RIMS3: variants seen among roughly 807,000 people sequenced by gnomAD.
The protein encoded by RIMS3 is regulating synaptic membrane exocytosis protein 3.
RIMS3 carries 15 observed loss-of-function variants against 29.2 expected under a neutral mutation model. The observed-to-expected ratio is 0.51, with a 90% CI of 0.34 to 0.79. The LOEUF is 0.79. Ranked by LOEUF, RIMS3 falls within the 30% of genes least tolerant of loss-of-function variation. RIMS3 has a pLI of 0.01. For synonymous variants in RIMS3, 161 were observed against 170.1 expected, an observed-to-expected ratio of 0.95 and a Z score of 0.41; for missense variants, 342 against 421.4, an observed-to-expected ratio of 0.81 and a Z score of 1.65.
upstream of RIMS3, among the ~76,000 whole-genome samples, chr1:40,670,574 T>TTATATATATATATATATATATATA (rs553412097): frequency 6.8e-3 from 482 of 71,054 alleles, 21 homozygotes; most frequent in South Asian, 0.01. Flanking sequence ...AGTTATAATT[T>TTATATATATATATATATATATATA]TATATATATA....
At chr1:40,684,476 CA>C in the RIMS3 span, among the ~76,000 whole-genome samples, 4 of 152,156 alleles carry the variant, frequency 2.6e-5, no homozygotes, top group African/African-American at 9.7e-5. Context: ...CCCATCTCTT[CA>C]AAAACTGTGA....
At chr1:40,682,739 A>ATTTTTTTTTTTTTTTTTTTTTTTTTT in the RIMS3 span, among the ~76,000 whole-genome samples, 3 of 46,484 alleles carry the variant, frequency 6.5e-5, no homozygotes, top group Non-Finnish European at 1.3e-4. Context: ...CCCTTTGCAG[A>ATTTTTTTTTTTTTTTTTTTTTTTTTT]TCTTTTTTTT....
upstream of RIMS3, chr1:40,669,314 T>C (rs983690398): frequency 1.3e-5 from 2 of 152,192 alleles, no homozygotes; most frequent in African/African-American, 4.8e-5. Context: ...AAGTGACTTG[T>C]CTTTCTAAGT....
At chr1:40,632,418 TTATATATATATATATATATA>T (rs56394507) in intron 5 of RIMS3, among the ~76,000 whole-genome samples, 3,886 of 88,012 alleles carry the variant, frequency 0.044, 240 homozygotes, top group African/African-American at 0.14. Flanking sequence ...ACATATAAAT[TTATATATATATATATATATA>T]TATATATATA....
At chr1:40,664,091 T>C (rs1642390308) in intron 1 of RIMS3, among the ~76,000 whole-genome samples, 1 of 152,060 alleles carries the variant, frequency 6.6e-6, no homozygotes, top group Admixed American at 6.5e-5. Flanking sequence ...GTCGGATAAG[T>C]GTAGAACCCC....
chr1:40,623,476 C>T lies in RIMS3; in HGVS notation c.*3041G>A, dbSNP rs1046677577. 2 of 398,574 alleles carry T rather than the reference C, an allele frequency of 5.0e-6. No individual in the cohort carries two copies. Among genetic ancestry groups the T allele is most frequent in the Non-Finnish European group, 8.8e-6 (2 of 226,110 alleles). The allele number at this position is 398,574 out of a possible 1,614,324, so 24.7% of individuals were successfully genotyped here. On this transcript the variant is annotated 3_prime_UTR_variant, in exon 8 of 8. Coordinates refer to ENST00000372684, the MANE Select transcript of RIMS3 (RefSeq NM_014747.3). Reference sequence around the variant, plus strand: ...ACCCAACATCACTGCAGGGCCACTCCTGTCTCTGCCATATGCACAGTGAAC... The same window carrying T: ...ACCCAACATCACTGCAGGGCCACTCTTGTCTCTGCCATATGCACAGTGAAC...
chr1:40,633,085 C>T lies in RIMS3; in HGVS notation c.456G>A (p.Leu152=). 1 of 1,614,080 alleles carries T rather than the reference C, an allele frequency of 6.2e-7. No individual in the cohort carries two copies. Among genetic ancestry groups the T allele is most frequent in the South Asian group, 1.1e-5 (1 of 91,084 alleles). Residue 152 remains leucine (L), a synonymous_variant, in exon 5 of 8, where the codon CTG becomes CTA. Coordinates refer to ENST00000372684, the MANE Select transcript of RIMS3 (RefSeq NM_014747.3). ...GPAQIVGRQT[L]ATPPMGDVHI... is the part of the protein sequence containing the mutation. Reference sequence around the variant, plus strand: ...AAGACTCACCCATGGGTGGTGTTGCCAGTGTCTGTCGCCCCACAATCTGAG... The same window carrying T: ...AAGACTCACCCATGGGTGGTGTTGCTAGTGTCTGTCGCCCCACAATCTGAG...
At chr1:40,643,170 C>T (rs1033025370) in intron 2 of RIMS3, among the ~76,000 whole-genome samples, 2 of 151,862 alleles carry the variant, frequency 1.3e-5, no homozygotes, top group African/African-American at 4.8e-5. Context: ...GATGGAGCCT[C>T]ACTCTGTCAC....
At chr1:40,659,958 C>T (rs1162156803) in intron 1 of RIMS3, among the ~76,000 whole-genome samples, 1 of 152,172 alleles carries the variant, frequency 6.6e-6, no homozygotes, top group Non-Finnish European at 1.5e-5. Flanking sequence ...AGGGAAATGA[C>T]ACAATCCAAC....
chr1:40,680,592 A>G, the RIMS3 span, among the ~76,000 whole-genome samples: 2 of 152,234 alleles, frequency 1.3e-5, no homozygotes, highest in Admixed American at 1.3e-4. Context: ...TCGGCCTCCT[A>G]AAGTGTTGGG....
Position 40,633,153 on chromosome 1 carries a change from C to G in RIMS3, c.388G>C (p.Ala130Pro). ...TFIFPTTRLG[A>P]ESQFSDFLDG... ...AGGAAATCGCTGAACTGGCTTTCAG[C>G]CCCTAGCCGGGTAGTGGGGAAGATG... Residue 130 changes from alanine (A) to proline (P), a missense_variant, in exon 5 of 8, where the codon GCT (alanine) becomes CCT (proline). Coordinates refer to ENST00000372684, the MANE Select transcript of RIMS3 (RefSeq NM_014747.3). The G allele has an allele frequency of 1.9e-6, 3 of 1,614,100 alleles. No individual in the cohort carries two copies. Among genetic ancestry groups the G allele is most frequent in the African/African-American group, 2.7e-5 (2 of 75,056 alleles).
intron 1 of RIMS3, among the ~76,000 whole-genome samples, chr1:40,656,003 C>T (rs893742823): frequency 1.3e-5 from 2 of 151,730 alleles, no homozygotes; most frequent in Non-Finnish European, 2.9e-5. Flanking sequence ...ACAGAGACTC[C>T]GTCTCAAAAA....
At chr1:40,673,070 C>T in the RIMS3 span, among the ~76,000 whole-genome samples, 1 of 151,996 alleles carries the variant, frequency 6.6e-6, no homozygotes, top group Non-Finnish European at 1.5e-5. Context: ...ATCCCAGCCA[C>T]TTGGGAGGCT....
At chr1:40,642,086 C>T in intron 2 of RIMS3, 130 bp from the exon 3 acceptor site, 1 of 611,706 alleles carries the variant, frequency 1.6e-6, no homozygotes, top group Non-Finnish European at 3.0e-6. Context: ...GTTAAATGCA[C>T]AAACAAATGT....
chr1:40,634,876 G>A (rs1431083826), intron 4 of RIMS3, among the ~76,000 whole-genome samples: 1 of 151,854 alleles, frequency 6.6e-6, no homozygotes, highest in Non-Finnish European at 1.5e-5. Flanking sequence ...GGGAGGTGGA[G>A]GTTGTGGTGA....
At chr1:40,638,799 G>A (rs1646537565) in intron 3 of RIMS3, among the ~76,000 whole-genome samples, 1 of 152,218 alleles carries the variant, frequency 6.6e-6, no homozygotes, top group Non-Finnish European at 1.5e-5. Context: ...GTCAGATCCA[G>A]AAGGAAACTG....
In RIMS3 at chr1:40,635,805, C is replaced by G; in HGVS notation, c.359+111G>C. 2 of 1,426,972 alleles carry G rather than the reference C, an allele frequency of 1.4e-6. No homozygotes were observed. Among genetic ancestry groups the G allele is most frequent in the Non-Finnish European group, 1.9e-6 (2 of 1,041,232 alleles). The allele number at this position is 1,426,972 out of a possible 1,614,324, so 88.4% of individuals were successfully genotyped here. On this transcript the variant is annotated intron_variant, in intron 4 of 7. Coordinates refer to ENST00000372684, the MANE Select transcript of RIMS3 (RefSeq NM_014747.3). This position sits in a 1 kb window ranked among gnomAD's most constrained non-coding sequence, Gnocchi z 4.1. ...AAGGAAGGCAGAGACACAGAGGACC[C>G]AGACATTTTAGCTGGAAACAAAACA...
At chr1:40,653,532 C>A (rs1211368194) in intron 1 of RIMS3, among the ~76,000 whole-genome samples, 1 of 152,170 alleles carries the variant, frequency 6.6e-6, no homozygotes, top group Admixed American at 6.5e-5. Context: ...AGGAGCACAG[C>A]TGGAATGGAA....
In RIMS3 at chr1:40,629,253, A is replaced by G; in HGVS notation, c.574+18T>C. 1 of 1,607,226 alleles carries G rather than the reference A, an allele frequency of 6.2e-7. No homozygotes were observed. The highest frequency in any genetic ancestry group is 1.1e-5 in the South Asian group (1 of 90,902). On this transcript the variant is annotated intron_variant, in intron 6 of 7. Coordinates refer to ENST00000372684, the MANE Select transcript of RIMS3 (RefSeq NM_014747.3). The stretch of plus-strand genomic sequence containing the variant: ...CTATGCCCCTCCCTGTCAGGACCCC[A>G]TTTCCAAAATCCCTCACCTGGGAGG...
Sources: gnomAD v4.1 joint callset for allele counts (sites outside exome capture counted in the v4.1 genomes callset) on GRCh38, gnomAD v4.1.1 for gene constraint, Gnocchi (gnomAD v3.1) non-coding constraint, MANE v1.5 for transcripts, NCBI Gene and HGNC (gene_info 2026-07-23, HGNC 2026-07-21) for gene names.